The following MRPL34 variants were observed in gnomAD, a reference collection of about 807,000 sequenced individuals.
MRPL34 encodes large ribosomal subunit protein bL34m.
MRPL34 carries 8 observed loss-of-function variants against 6.7 expected under a neutral mutation model. The ratio of observed to expected loss-of-function variants is 1.20; its 90% CI spans 0.70 to 2.16. MRPL34 has a LOEUF of 2.16. Among genes scored for constraint, MRPL34 ranks in the 30% most tolerant of loss-of-function variants. The pLI is 0.00. For missense variants in MRPL34, 146 were observed against 125.5 expected, an observed-to-expected ratio of 1.16 and a Z score of -0.78; for synonymous variants, 59 against 55.1, an observed-to-expected ratio of 1.07 and a Z score of -0.31.
At chr19:17,299,357 C>T (rs1438781059), upstream of MRPL34, among the ~76,000 whole-genome samples, 6 of 151,288 alleles carry the variant, frequency 4.0e-5, no homozygotes, top group South Asian at 4.2e-4. Context: ...GTCAGGAGAT[C>T]GAGACCATCC....
At chr19:17,299,238 C>CCG (rs902946679), upstream of MRPL34, among the ~76,000 whole-genome samples, 42 of 140,110 alleles carry the variant, frequency 3.0e-4, no homozygotes, top group Middle Eastern at 3.5e-3. Context: ...AATGAGACCC[C>CCG]CCCCCCATTC....
intron 1 of MRPL34, among the ~76,000 whole-genome samples, chr19:17,295,090 ATTTTTTTTTTTTTTT>A (rs779607230): frequency 5.0e-5 from 4 of 80,412 alleles, no homozygotes; most frequent in Non-Finnish European, 9.0e-5. Context: ...CACCCAGGTA[ATTTTTTTTTTTTTTT>A]TTTTTTTTTT....
At chr19:17,296,479 A>G (rs1364831885) in intron 1 of MRPL34, 1 of 152,082 alleles carries the variant, frequency 6.6e-6, no homozygotes, top group African/African-American at 2.4e-5. Flanking sequence ...GTTTCCTACT[A>G]TCCCTTCCCT....
At chr19:17,299,891 C>T (rs1599524940), upstream of MRPL34, among the ~76,000 whole-genome samples, 1 of 147,684 alleles carries the variant, frequency 6.8e-6, no homozygotes, top group South Asian at 2.2e-4. Context: ...TGCACCACCG[C>T]GCGTGGTGGC....
upstream of MRPL34, among the ~76,000 whole-genome samples, chr19:17,300,164 A>C (rs562208472): frequency 1.3e-5 from 2 of 151,908 alleles, no homozygotes; most frequent in Admixed American, 1.3e-4. Flanking sequence ...TCAGCCTCCC[A>C]AAGTGCTGGG....
chr19:17,306,245 C>G lies in MRPL34; in HGVS notation c.145C>G (p.Arg49Gly). Residue 49 changes from arginine (R) to glycine (G), a missense_variant, in exon 2 of 2, where the codon CGC becomes GGC. Transcript: ENST00000252602. Reference protein sequence around the residue: ...PTPQQARGKARGNEYQPSNIK... With the variant: ...PTPQQARGKAGGNEYQPSNIK... ...CCCGCAGCAGGCCCGGGGCAAGGCT[C>G]GCGGGAATGAGTATCAGCCGAGCAA... The G allele has an allele frequency of 6.3e-7, 1 of 1,586,848 alleles. No individual in the cohort carries two copies. Among genetic ancestry groups the G allele is most frequent in the Non-Finnish European group, 8.6e-7 (1 of 1,167,258 alleles).
chr19:17,305,867 C>A (rs768325703), upstream of MRPL34: 11 of 1,610,466 alleles, frequency 6.8e-6, no homozygotes, highest in Admixed American at 1.7e-4. Context: ...TCGCCCGCAG[C>A]CGGTACTGCG....
upstream of MRPL34, chr19:17,301,447 G>A: frequency 6.2e-7 from 1 of 1,612,016 alleles, no homozygotes; most frequent in Non-Finnish European, 8.5e-7. Context: ...TGGTGGAGGT[G>A]GGGCAGCGGC....
chr19:17,298,759 T>TTG (rs56279352), upstream of MRPL34, among the ~76,000 whole-genome samples: 11 of 105,812 alleles, frequency 1.0e-4, no homozygotes, highest in African/African-American at 3.6e-4. Flanking sequence ...TTTTTTTTTT[T>TTG]GGGCAGAGTC....
upstream of MRPL34, among the ~76,000 whole-genome samples, chr19:17,299,220 G>C (rs1356683926): frequency 3.5e-5 from 5 of 143,424 alleles, no homozygotes; most frequent in Admixed American, 2.1e-4. Flanking sequence ...GACCAGCCTG[G>C]GCAACATAAT....
At chr19:17,299,890 G>A (rs1233651990), upstream of MRPL34, among the ~76,000 whole-genome samples, 9 of 148,384 alleles carry the variant, frequency 6.1e-5, no homozygotes, top group South Asian at 1.3e-3. Context: ...GTGCACCACC[G>A]CGCGTGGTGG....
chr19:17,298,296 T>G (rs2145656064), upstream of MRPL34: 1 of 152,276 alleles, frequency 6.6e-6, no homozygotes, highest in African/African-American at 2.4e-5. Context: ...AATCTTGCCT[T>G]TCTTCCTGGA....
chr19:17,299,140 C>T (rs62126253), upstream of MRPL34, among the ~76,000 whole-genome samples: 47,830 of 151,664 alleles, frequency 0.32, 8,473 homozygotes, highest in Middle Eastern at 0.4. Context: ...CCTGGTATAG[C>T]GGCTCATGCC....
At chr19:17,299,043 G>T (rs1828832139), upstream of MRPL34, among the ~76,000 whole-genome samples, 1 of 152,100 alleles carries the variant, frequency 6.6e-6, no homozygotes, top group Non-Finnish European at 1.5e-5. Context: ...CACCTGGCCT[G>T]AGCAACACTG....
chr19:17,298,737 T>C (rs77302225), upstream of MRPL34, among the ~76,000 whole-genome samples: 2 of 35,768 alleles, frequency 5.6e-5, no homozygotes, highest in Non-Finnish European at 1.3e-4. Context: ...CAACACTGCT[T>C]TTTTTTTTTT....
intron 1 of MRPL34, 101 bp downstream of exon 1, chr19:17,306,058 C>T (rs1381378134): frequency 1.2e-5 from 18 of 1,538,362 alleles, no homozygotes; most frequent in Non-Finnish European, 1.6e-5. Context: ...GTGCCTTGCG[C>T]ATTTTGCAGC....
chr19:17,292,661 C>T, exon 1 of MRPL34: 1 of 1,608,592 alleles, frequency 6.2e-7, no homozygotes, highest in Non-Finnish European at 8.5e-7. Context: ...GGCCCAGCGG[C>T]TACTTCTTGT....
At chr19:17,300,757 C>T (rs71338623), upstream of MRPL34, 25,923 of 1,415,706 alleles carry the variant, frequency 0.018, 388 homozygotes, top group East Asian at 0.079. Flanking sequence ...GGATTACAGG[C>T]GTGAGCCACG....
At chr19:17,300,995 G>A (rs1296548514), upstream of MRPL34, 4 of 1,613,486 alleles carry the variant, frequency 2.5e-6, no homozygotes, top group Non-Finnish European at 3.4e-6. Flanking sequence ...GCCAGGTCAG[G>A]AGCCACCACC....
Sources: gnomAD v4.1 joint callset for allele counts (sites outside exome capture counted in the v4.1 genomes callset) on GRCh38, gnomAD v4.1.1 for gene constraint, MANE v1.5 for transcripts, NCBI Gene and HGNC (gene_info 2026-07-23, HGNC 2026-07-21) for gene names.